ST3GAL3: variants seen among roughly 807,000 people sequenced by gnomAD.
ST3GAL3 encodes CMP-N-acetylneuraminate-beta-1,4-galactoside alpha-2,3-sialyltransferase.
A neutral mutation model predicts 50.1 loss-of-function variants in ST3GAL3; 21 were observed. The ratio of observed to expected loss-of-function variants is 0.42; its 90% CI spans 0.30 to 0.60. ST3GAL3 has a LOEUF of 0.60. ST3GAL3 is among the 20% of genes least tolerant of loss of function. The probability of loss-of-function intolerance (pLI) is 0.19; values close to 1 mark genes in which losing one functional copy is unlikely to be tolerated. For synonymous variants in ST3GAL3, 183 were observed against 190.0 expected (o/e 0.96, Z 0.30); for missense variants, 353 against 489.4 (o/e 0.72, Z 2.63).
intron 3 of ST3GAL3, among the ~76,000 whole-genome samples, chr1:43,796,998 A>C (rs1352747706): frequency 1.3e-5 from 2 of 152,238 alleles, no homozygotes; most frequent in Admixed American, 6.5e-5. Context: ...AGCCTGGGCA[A>C]CATTGCAGAG....
intron 5 of ST3GAL3, among the ~76,000 whole-genome samples, chr1:43,867,358 T>C (rs1032838290): frequency 6.6e-6 from 1 of 152,144 alleles, no homozygotes; most frequent in African/African-American, 2.4e-5. Context: ...AAGAAGAAGA[T>C]CATTTCTTTC....
At chr1:43,778,073 T>C (rs1425459347) in intron 2 of ST3GAL3, among the ~76,000 whole-genome samples, 1 of 152,174 alleles carries the variant, frequency 6.6e-6, no homozygotes, top group Non-Finnish European at 1.5e-5. Flanking sequence ...GTGGTACATA[T>C]ACACCATGGA....
chr1:43,881,064 GC>G (rs2075039048), intron 5 of ST3GAL3, among the ~76,000 whole-genome samples: 1 of 151,622 alleles, frequency 6.6e-6, no homozygotes, highest in South Asian at 2.1e-4. Flanking sequence ...AGACTGGAGT[GC>G]AATGGCGCGA....
chr1:43,898,945 G>A, intron 7 of ST3GAL3: 1 of 600,120 alleles, frequency 1.7e-6, no homozygotes, highest in South Asian at 2.1e-5. Context: ...GTTTTCCTGG[G>A]GAAGTGTCAG....
Position 43,899,270 on chromosome 1 carries a change from T to G in ST3GAL3, c.557+7T>G. 1 of 1,614,112 alleles carries G rather than the reference T, an allele frequency of 6.2e-7. No individual in the cohort carries two copies. On this transcript the variant is annotated splice_region_variant and intron_variant, in intron 8 of 11. Coordinates refer to ENST00000347631, the MANE Select transcript of ST3GAL3 (RefSeq NM_006279.5). This position sits in a 1 kb window ranked among gnomAD's most constrained non-coding sequence, Gnocchi z 5.4. ...ACTATGACATTGTGGTGAGGTGAGC[T>G]CCCCAAAATGGCACCTCGGGTGAGT...
intron 5 of ST3GAL3, among the ~76,000 whole-genome samples, chr1:43,863,034 G>A (rs1173725667): frequency 6.6e-6 from 1 of 152,194 alleles, no homozygotes; most frequent in Admixed American, 6.5e-5. Context: ...ACTGGATATT[G>A]CATATCTGTC....
intron 2 of ST3GAL3, chr1:43,743,819 G>T: frequency 5.5e-6 from 1 of 181,616 alleles, no homozygotes; most frequent in Non-Finnish European, 1.1e-5. Context: ...GACTACTACA[G>T]TATAGTATTC....
intron 2 of ST3GAL3, among the ~76,000 whole-genome samples, chr1:43,761,050 A>T (rs1690134968): frequency 6.6e-6 from 1 of 152,148 alleles, no homozygotes; most frequent in Admixed American, 6.5e-5. Flanking sequence ...TAGTGGTTGG[A>T]GGGGATAGGA....
intron 1 of ST3GAL3, among the ~76,000 whole-genome samples, chr1:43,725,370 ATTT>A (rs1174329683): frequency 6.6e-6 from 1 of 151,894 alleles, no homozygotes; most frequent in Non-Finnish European, 1.5e-5. Flanking sequence ...CGCCCAGCTA[ATTT>A]TGTATTTTTA....
At chr1:43,814,348 A>T (rs2060982930) in intron 3 of ST3GAL3, among the ~76,000 whole-genome samples, 1 of 152,236 alleles carries the variant, frequency 6.6e-6, no homozygotes. Flanking sequence ...ATACTGATTG[A>T]TCACTTGTTA....
At chr1:43,894,061 T>C in intron 5 of ST3GAL3, 2 of 397,004 alleles carry the variant, frequency 5.0e-6, no homozygotes, top group South Asian at 4.3e-5. Context: ...CAGCAGTGAC[T>C]ATTTGATGAA....
intron 2 of ST3GAL3, among the ~76,000 whole-genome samples, chr1:43,779,892 A>G (rs1698781195): frequency 6.6e-6 from 1 of 152,062 alleles, no homozygotes; most frequent in African/African-American, 2.4e-5. Flanking sequence ...CTTTCTCCAT[A>G]TGTTCAGACA....
At chr1:43,918,646 A>T (rs1188630103) in intron 9 of ST3GAL3, among the ~76,000 whole-genome samples, 5 of 152,114 alleles carry the variant, frequency 3.3e-5, no homozygotes, top group Non-Finnish European at 7.4e-5. Context: ...AATATACTGT[A>T]ATACCTAATT....
chr1:43,926,895 A>G (rs1001657575), intron 11 of ST3GAL3, among the ~76,000 whole-genome samples: 1 of 152,184 alleles, frequency 6.6e-6, no homozygotes, highest in African/African-American at 2.4e-5. Flanking sequence ...AGAGGATAAT[A>G]TCATGAACTC....
intron 2 of ST3GAL3, among the ~76,000 whole-genome samples, chr1:43,744,997 AAGAAAAAAG>A (rs1048146810): frequency 1.9e-4 from 14 of 74,754 alleles, no homozygotes; most frequent in Non-Finnish European, 5.7e-4. Flanking sequence ...TTTGAAAAAA[AAGAAAAAAG>A]AAAGAAAGAA....
intron 5 of ST3GAL3, chr1:43,850,198 A>C (rs1309694307): frequency 3.6e-6 from 1 of 281,608 alleles, no homozygotes; most frequent in African/African-American, 2.2e-5. Context: ...AACAAGTGTC[A>C]GTGGGTCCCT....
chr1:43,888,397 C>G (rs916624122), intron 5 of ST3GAL3, among the ~76,000 whole-genome samples: 16 of 151,932 alleles, frequency 1.1e-4, no homozygotes, highest in African/African-American at 3.9e-4. Flanking sequence ...ACCATAGCAG[C>G]AGCTTTCTGC....
At chr1:43,909,066 A>G (rs528815429) in intron 9 of ST3GAL3, among the ~76,000 whole-genome samples, 2 of 152,334 alleles carry the variant, frequency 1.3e-5, no homozygotes, top group African/African-American at 4.8e-5. Context: ...TATAAGCCTC[A>G]GGAGGGCAGC....
At chr1:43,910,721 G>A (rs1403163923) in intron 9 of ST3GAL3, among the ~76,000 whole-genome samples, 1 of 152,228 alleles carries the variant, frequency 6.6e-6, no homozygotes, top group Non-Finnish European at 1.5e-5. Flanking sequence ...GAACCTGCAT[G>A]TTTTGGGCAT....
Sources: gnomAD v4.1 joint callset for allele counts (sites outside exome capture counted in the v4.1 genomes callset) on GRCh38, gnomAD v4.1.1 for gene constraint, Gnocchi (gnomAD v3.1) non-coding constraint, MANE v1.5 for transcripts, NCBI Gene and HGNC (gene_info 2026-07-23, HGNC 2026-07-21) for gene names.